The following GOLT1A variants were observed in gnomAD, a reference collection of about 807,000 sequenced individuals.
The protein encoded by GOLT1A is golgi transport 1A.
A neutral mutation model predicts 16.1 loss-of-function variants in GOLT1A; 10 were observed. The ratio of observed to expected loss-of-function variants is 0.62; its 90% confidence interval spans 0.38 to 1.05. The LOEUF (loss-of-function observed/expected upper bound fraction) is 1.05, where lower values mean the gene tolerates loss of function less well. Ranked by LOEUF, GOLT1A falls within the 50% of genes least tolerant of loss-of-function variation. The pLI, the probability that GOLT1A is intolerant of heterozygous loss-of-function variation, is 0.01. For synonymous variants in GOLT1A, 60 were observed against 67.9 expected (o/e 0.88, Z 0.57); for missense variants, 137 against 165.7 (o/e 0.83, Z 0.95).
intron 1 of GOLT1A, among the ~76,000 whole-genome samples, chr1:204,205,979 A>C (rs1302372745): frequency 6.6e-6 from 1 of 152,196 alleles, no homozygotes. Flanking sequence ...CTGAGGCAGG[A>C]GAATTGCTTG....
At chr1:204,199,104 C>A in intron 4 of GOLT1A, 91 bp downstream of exon 4, 1 of 1,154,922 alleles carries the variant, frequency 8.7e-7, no homozygotes, top group Non-Finnish European at 1.3e-6. Context: ...AGGCCACTGC[C>A]CCTGGGGCAG....
chr1:204,198,560 T>A, intron 4 of GOLT1A, 64 bp from the exon 5 acceptor site: 2 of 1,493,302 alleles, frequency 1.3e-6, no homozygotes, highest in Non-Finnish European at 1.9e-6. Flanking sequence ...ATCTAGTTAT[T>A]ACAGAGCTGG....
rs533374880 is a variant in GOLT1A, at chr1:204,209,436, G to A, written c.25+4446C>T. 2.4e-4 allele frequency among the ~76,000 whole-genome samples: 36 copies of A among 152,234 alleles called. No individual in the cohort carries two copies. In the South Asian group the frequency reaches 6.0e-3, roughly 25 times the overall value. On this transcript the variant is annotated intron_variant, in intron 1 of 4. Coordinates refer to ENST00000308302, the MANE Select transcript of GOLT1A (RefSeq NM_198447.2). ...GTTCTAACACCCCACTCTGGGCACC[G>A]CCTTCTCTGTGTTAAACCTAATGGC...
chr1:204,198,405 C>G lies in GOLT1A; in HGVS notation c.*53G>C, dbSNP rs548509184. On this transcript the variant is annotated 3_prime_UTR_variant, in exon 5 of 5. Transcript: ENST00000308302. ...GGACTGAGGGGGTGGTTCCCATTCT[C>G]CCTCTAGCCCCCTCAACCAATGATC... The G allele has an allele frequency of 1.7e-4, 257 of 1,551,416 alleles. 1 individual carries two copies. In the African/African-American group the frequency reaches 1.8e-3, roughly 11 times the overall value.
intron 1 of GOLT1A, among the ~76,000 whole-genome samples, chr1:204,208,056 G>T (rs1659071833): frequency 6.6e-6 from 1 of 152,136 alleles, no homozygotes; most frequent in Non-Finnish European, 1.5e-5. Context: ...TACACTGCTG[G>T]TGGGAATGTA....
intron 4 of GOLT1A, chr1:204,198,830 C>T: frequency 2.1e-6 from 1 of 481,064 alleles, no homozygotes; most frequent in South Asian, 3.1e-5. Context: ...CATACATTCT[C>T]TCCATGCCTG....
chr1:204,212,613 A>G, intron 1 of GOLT1A, among the ~76,000 whole-genome samples: 1 of 133,046 alleles, frequency 7.5e-6, no homozygotes, highest in Admixed American at 8.4e-5. Flanking sequence ...CTCCAACCTG[A>G]GCGACAGAGT....
chr1:204,209,509 A>T (rs1659106064), intron 1 of GOLT1A, among the ~76,000 whole-genome samples: 1 of 152,228 alleles, frequency 6.6e-6, no homozygotes, highest in African/African-American at 2.4e-5. Flanking sequence ...ATAAGGAGAG[A>T]AAGAGCCTCA....
intron 3 of GOLT1A, among the ~76,000 whole-genome samples, chr1:204,200,189 C>T (rs955430096): frequency 6.6e-6 from 1 of 151,530 alleles, no homozygotes; most frequent in African/African-American, 2.4e-5. Flanking sequence ...GGAACTTTCT[C>T]CTCATTCAGT....
chr1:204,207,016 C>A (rs1358008665), intron 1 of GOLT1A, among the ~76,000 whole-genome samples: 1 of 152,238 alleles, frequency 6.6e-6, no homozygotes, highest in African/African-American at 2.4e-5. Context: ...CGAAACCCCA[C>A]AGAAAAGGGT....
chr1:204,210,053 C>T (rs927889347), intron 1 of GOLT1A, among the ~76,000 whole-genome samples: 2 of 152,120 alleles, frequency 1.3e-5, no homozygotes, highest in Non-Finnish European at 2.9e-5. Context: ...AGTGAAACTC[C>T]ATCTCAAAAA....
intron 1 of GOLT1A, among the ~76,000 whole-genome samples, chr1:204,208,503 A>ATATATATATATATATAT (rs1355316440): frequency 1.6e-4 from 8 of 50,972 alleles, no homozygotes; most frequent in African/African-American, 5.7e-4. Context: ...TATATATATA[A>ATATATATATATATATAT]AAAATGAACT....
chr1:204,198,198 C>T lies in GOLT1A; in HGVS notation c.*260G>A, dbSNP rs961025528. Reference sequence around the variant, plus strand: ...ACTTGGGAATTTAATCTTCACTTTTCCTCCCATAAATATAGAGTGAGGGTG... The same window carrying T: ...ACTTGGGAATTTAATCTTCACTTTTTCTCCCATAAATATAGAGTGAGGGTG... On this transcript the variant is annotated 3_prime_UTR_variant, in exon 5 of 5. Transcript: ENST00000308302. 2.2e-6 allele frequency: 1 copy of T among 463,092 alleles called. No homozygotes were observed. 28.7% of individuals were successfully genotyped at this position (463,092 alleles called of 1,614,324 possible). A position where few individuals can be genotyped will look rare whatever the true frequency, so the allele number is the denominator to read the frequency against.
At chr1:204,201,051 G>A (rs185217000) in intron 3 of GOLT1A, among the ~76,000 whole-genome samples, 1 of 152,294 alleles carries the variant, frequency 6.6e-6, no homozygotes, top group African/African-American at 2.4e-5. Context: ...AGTGCCTACA[G>A]GCCTGACAGT....
At chr1:204,209,412 T>C (rs1444169192) in intron 1 of GOLT1A, among the ~76,000 whole-genome samples, 1 of 152,144 alleles carries the variant, frequency 6.6e-6, no homozygotes. Flanking sequence ...CCTGCTGGGG[T>C]TCTAACACCC....
At chr1:204,211,182 C>A (rs142140776) in intron 1 of GOLT1A, among the ~76,000 whole-genome samples, 1 of 152,172 alleles carries the variant, frequency 6.6e-6, no homozygotes, top group South Asian at 2.1e-4. Flanking sequence ...CTCCACACGG[C>A]GCTCAAAGGT....
chr1:204,198,378 G>C lies in GOLT1A; in HGVS notation c.*80C>G, dbSNP rs1293446040. On this transcript the variant is annotated 3_prime_UTR_variant, in exon 5 of 5. Transcript: ENST00000308302. Reference sequence around the variant, plus strand: ...ATATGTCGGGGAGTGAGTCAGTGCAGGGGACTGAGGGGGTGGTTCCCATTC... The same window carrying C: ...ATATGTCGGGGAGTGAGTCAGTGCACGGGACTGAGGGGGTGGTTCCCATTC... 1 of 1,310,346 alleles carries C rather than the reference G, an allele frequency of 7.6e-7. No homozygotes were observed. Among genetic ancestry groups the C allele is most frequent in the Admixed American group, 1.7e-5 (1 of 58,236 alleles). 81.2% of individuals were successfully genotyped at this position (1,310,346 alleles called of 1,614,324 possible).
At chr1:204,212,158 C>A (rs57675184) in intron 1 of GOLT1A, among the ~76,000 whole-genome samples, 8,043 of 152,204 alleles carry the variant, frequency 0.053, 721 homozygotes, top group African/African-American at 0.18. Context: ...TGCTTCCCCC[C>A]ACTCAACCCT....
In GOLT1A at chr1:204,201,667, A is replaced by T. The variant is rs1658963738; in HGVS notation, c.262T>A (p.Phe88Ile). The change falls in exon 3 of 5, where the codon TTC becomes ATC. Residue 88 changes from phenylalanine to isoleucine, a missense_variant. Coordinates refer to ENST00000308302, the MANE Select transcript of GOLT1A (RefSeq NM_198447.2). ...CTGAAGAATCCGTAGGTTTCCAGGA[A>T]CATGCCGAGGAGGGGCCAGCGTAGG... ...VLLRWPLLGM[F>I]LETYGFFSLF... is the part of the protein sequence containing the mutation. 6.2e-7 allele frequency: 1 copy of T among 1,614,028 alleles called. No homozygotes were observed. The highest frequency in any genetic ancestry group is 1.3e-5 in the African/African-American group (1 of 74,922).
Sources: gnomAD v4.1 joint callset for allele counts (sites outside exome capture counted in the v4.1 genomes callset) on GRCh38, gnomAD v4.1.1 for gene constraint, MANE v1.5 for transcripts, NCBI Gene and HGNC (gene_info 2026-07-23, HGNC 2026-07-21) for gene names.